ESCO1: variants seen among roughly 807,000 people sequenced by gnomAD.
ESCO1 encodes establishment of sister chromatid cohesion N-acetyltransferase 1.
Under a neutral mutation model 83.5 loss-of-function variants are expected in ESCO1, and 33 were observed. The observed-to-expected ratio is 0.40, with a 90% CI of 0.30 to 0.53. The LOEUF is 0.53. ESCO1 is among the 20% of genes least tolerant of loss of function. The pLI is 0.63. For synonymous variants in ESCO1, 332 were observed against 324.3 expected (o/e 1.02, Z -0.25); for missense variants, 855 against 968.0 (o/e 0.88, Z 1.55).
At chr18:21,541,152 T>TA (rs1470343749) in intron 8 of ESCO1, among the ~76,000 whole-genome samples, 1 of 152,170 alleles carries the variant, frequency 6.6e-6, no homozygotes, top group Non-Finnish European at 1.5e-5. Context: ...GTTTACATAA[T>TA]AGAGTACCCA....
chr18:21,541,808 T>C (rs1388610754), intron 8 of ESCO1, among the ~76,000 whole-genome samples: 1 of 152,112 alleles, frequency 6.6e-6, no homozygotes, highest in Non-Finnish European at 1.5e-5. Flanking sequence ...GACCTAAAAA[T>C]GTAAGTAACC....
At chr18:21,599,273 G>A (rs765599182) in intron 1 of ESCO1, among the ~76,000 whole-genome samples, 26 of 152,164 alleles carry the variant, frequency 1.7e-4, no homozygotes, top group Non-Finnish European at 3.8e-4. Context: ...GGGGAGGGAG[G>A]TCAAGGCTGC....
At chr18:21,586,122 A>T (rs1295512256) in intron 1 of ESCO1, among the ~76,000 whole-genome samples, 1 of 152,204 alleles carries the variant, frequency 6.6e-6, no homozygotes, top group Admixed American at 6.6e-5. Flanking sequence ...ACCAAACACT[A>T]GAACTTATTC....
chr18:21,592,572 T>A (rs968194736), intron 1 of ESCO1, among the ~76,000 whole-genome samples: 2 of 140,552 alleles, frequency 1.4e-5, no homozygotes, highest in African/African-American at 5.4e-5. Context: ...CCCACCTCCC[T>A]CCCGGACGGG....
At chr18:21,546,625 C>T (rs1409611973) in intron 8 of ESCO1, among the ~76,000 whole-genome samples, 4 of 152,172 alleles carry the variant, frequency 2.6e-5, no homozygotes, top group Non-Finnish European at 5.9e-5. Context: ...TGGCTCACTG[C>T]AGCCTCAGCC....
intron 4 of ESCO1, among the ~76,000 whole-genome samples, chr18:21,570,523 T>C (rs1045984422): frequency 6.6e-6 from 1 of 152,216 alleles, no homozygotes; most frequent in African/African-American, 2.4e-5. Context: ...GTTACAAAAA[T>C]ATATGTGCTA....
intron 4 of ESCO1, among the ~76,000 whole-genome samples, chr18:21,571,072 T>C (rs1432754200): frequency 6.6e-6 from 1 of 152,244 alleles, no homozygotes; most frequent in Admixed American, 6.5e-5. Flanking sequence ...ATGTTAACTT[T>C]TGTCAAATCT....
At chr18:21,595,439 G>A (rs1014852687) in intron 1 of ESCO1, among the ~76,000 whole-genome samples, 13 of 151,672 alleles carry the variant, frequency 8.6e-5, no homozygotes, top group African/African-American at 3.2e-4. Context: ...GGAGGCCGAG[G>A]CGGGTGGATC....
chr18:21,589,245 A>G (rs897812540), intron 1 of ESCO1, among the ~76,000 whole-genome samples: 5 of 152,100 alleles, frequency 3.3e-5, no homozygotes, highest in African/African-American at 1.2e-4. Flanking sequence ...TCTCAAAAAA[A>G]AAAAAAAATA....
intron 7 of ESCO1, among the ~76,000 whole-genome samples, chr18:21,563,573 C>G (rs1447094025): frequency 1.3e-5 from 2 of 152,100 alleles, no homozygotes; most frequent in African/African-American, 4.8e-5. Flanking sequence ...GTCTCAAACT[C>G]CCGACCTCAG....
chr18:21,586,225 T>C (rs1191535487), intron 1 of ESCO1, among the ~76,000 whole-genome samples: 1 of 152,214 alleles, frequency 6.6e-6, no homozygotes, highest in African/African-American at 2.4e-5. Flanking sequence ...TATGCTACTC[T>C]CTACCTCCAT....
intron 2 of ESCO1, among the ~76,000 whole-genome samples, chr18:21,583,548 G>A (rs1179187790): frequency 1.3e-5 from 2 of 151,982 alleles, no homozygotes; most frequent in Non-Finnish European, 2.9e-5. Flanking sequence ...GGAGGCTGAG[G>A]CAGGAGAACC....
At chr18:21,552,232 A>C (rs775138337) in intron 8 of ESCO1, among the ~76,000 whole-genome samples, 9 of 152,184 alleles carry the variant, frequency 5.9e-5, no homozygotes, top group Non-Finnish European at 1.0e-4. Context: ...ACTTACTATA[A>C]GGCTAGTTAT....
At chr18:21,596,247 A>AC (rs398032087) in intron 1 of ESCO1, among the ~76,000 whole-genome samples, 2 of 151,258 alleles carry the variant, frequency 1.3e-5, no homozygotes, top group Non-Finnish European at 2.9e-5. Flanking sequence ...ACAAAAAAAA[A>AC]CAGAAAGAAA....
At chr18:21,572,463 T>C (rs1390430051) in intron 4 of ESCO1, among the ~76,000 whole-genome samples, 1 of 152,198 alleles carries the variant, frequency 6.6e-6, no homozygotes, top group Non-Finnish European at 1.5e-5. Context: ...CAGTTTACTT[T>C]TCCATTTCAG....
chr18:21,545,094 G>A (rs1386362198), intron 8 of ESCO1, among the ~76,000 whole-genome samples: 1 of 152,122 alleles, frequency 6.6e-6, no homozygotes, highest in East Asian at 1.9e-4. Flanking sequence ...TACTCGCTGT[G>A]TACTTTCTTT....
At chr18:21,573,245 A>C in intron 4 of ESCO1, 69 bp downstream of exon 4, 1 of 1,396,536 alleles carries the variant, frequency 7.2e-7, no homozygotes, top group Non-Finnish European at 9.6e-7. Context: ...CTTATGCTAA[A>C]ATGTTATAAA....
Position 21,532,458 on chromosome 18 carries a change from T to C in ESCO1, c.2375+15A>G, listed in dbSNP as rs1568089569. 2.5e-6 allele frequency: 4 copies of C among 1,597,782 alleles called. No individual in the cohort carries two copies. The highest frequency in any genetic ancestry group is 8.6e-7 in the Non-Finnish European group (1 of 1,168,332). On this transcript the variant is annotated intron_variant, in intron 11 of 11. Coordinates refer to ENST00000269214, the MANE Select transcript of ESCO1 (RefSeq NM_052911.3). ...AAACTACTAAAAATGATTTGAAGGA[T>C]TACATTCAAGTTACCTTAGGCATTC...
intron 2 of ESCO1, among the ~76,000 whole-genome samples, chr18:21,581,082 C>T (rs549921035): frequency 6.6e-6 from 1 of 151,976 alleles, no homozygotes; most frequent in Non-Finnish European, 1.5e-5. Context: ...GAGGCCGAGG[C>T]GGGCTCATCA....
Sources: allele counts gnomAD v4.1 joint callset (sites outside exome capture counted in the v4.1 genomes callset), GRCh38; gene constraint gnomAD v4.1.1; transcripts MANE v1.5; gene names NCBI Gene and HGNC (gene_info 2026-07-23, HGNC 2026-07-21).